The following POLN variants were observed in gnomAD, a reference collection of about 807,000 sequenced individuals.
The protein encoded by POLN is DNA polymerase nu, also known as DNA polymerase N.
Under a neutral mutation model 113.5 loss-of-function variants are expected in POLN, and 108 were observed. That is an observed-to-expected ratio of 0.95 (90% CI 0.81 to 1.12). POLN has a LOEUF of 1.12. POLN is among the 50% of genes most tolerant of loss of function. POLN has a pLI of 0.00. For missense variants in POLN, 1,097 were observed against 1,077.1 expected, an observed-to-expected ratio of 1.02 and a Z score of -0.26; for synonymous variants, 386 against 391.5, an observed-to-expected ratio of 0.99 and a Z score of 0.17.
chr4:2,208,171 T>A lies in POLN; in HGVS notation c.530A>T (p.Asp177Val). ...TAGGTAGCCTTCGGCGTCATCAGTA[T>A]CTTCTTCCAATGCCATTTGTTTACT... is the stretch of plus-strand genomic sequence containing the variant. ...KTSKQMALEE[D>V]TDDAEGYLNS... The change falls in exon 5 of 26, where the codon GAT becomes GTT. Residue 177 changes from aspartate (D) to valine (V), a missense_variant. Coordinates refer to ENST00000511885, the MANE Select transcript of POLN (RefSeq NM_181808.4). 6.2e-7 allele frequency: 1 copy of A among 1,613,834 alleles called. No homozygotes were observed. Among genetic ancestry groups the A allele is most frequent in the Admixed American group, 1.7e-5 (1 of 60,010 alleles).
intron 13 of POLN, among the ~76,000 whole-genome samples, chr4:2,163,221 T>C (rs1468991801): frequency 6.6e-6 from 1 of 152,236 alleles, no homozygotes; most frequent in African/African-American, 2.4e-5. Context: ...GGGCGGTATC[T>C]TGCCTCAGTA....
rs574032047 is a variant in POLN at position 2,233,156 on chromosome 4, G to A, written c.-12-3913C>T. Among the ~76,000 whole-genome samples the A allele has an allele frequency of 1.7e-4, 26 of 152,160 alleles. No individual in the cohort carries two copies. In the East Asian group the frequency reaches 1.9e-3, roughly 11 times the overall value. On this transcript the variant is annotated intron_variant, in intron 2 of 25. Coordinates refer to ENST00000511885, the MANE Select transcript of POLN (RefSeq NM_181808.4). ...ATACTTTTGAAAATCAAGTAATTTC[G>A]ACATTATATCTACATTTAGTGATAT...
At chr4:2,229,290 G>A in intron 2 of POLN, 47 bp from the exon 3 acceptor site, 1 of 1,408,308 alleles carries the variant, frequency 7.1e-7, no homozygotes, top group Non-Finnish European at 9.6e-7. Context: ...TTAATCCTAA[G>A]ACTATAAAAC....
chr4:2,075,368 C>T lies in POLN; in HGVS notation c.2455+84G>A, dbSNP rs1730250578. 13 of 1,438,378 alleles carry T rather than the reference C, an allele frequency of 9.0e-6. No homozygotes were observed. The East Asian group carries it at 1.4e-4, about 15-fold the overall frequency. The allele number at this position is 1,438,378 out of a possible 1,614,324, so 89.1% of individuals were successfully genotyped here. A position where few individuals can be genotyped will look rare whatever the true frequency, so the allele number is the denominator to read the frequency against. ...CATAAAAGGGAAGACAGCTGAGGGG[C>T]TTTCCTGGGCTGTGCCCATGGGGCA... is the stretch of plus-strand genomic sequence containing the variant. On this transcript the variant is annotated intron_variant, in intron 24 of 25. Transcript: ENST00000511885.
intron 6 of POLN, among the ~76,000 whole-genome samples, chr4:2,194,339 T>C (rs1733523818): frequency 6.6e-6 from 1 of 152,192 alleles, no homozygotes; most frequent in Admixed American, 6.5e-5. Flanking sequence ...AAGAGCCTAA[T>C]GAGCTTTGCA....
At chr4:2,206,861 G>T (rs1043444873) in intron 5 of POLN, among the ~76,000 whole-genome samples, 6 of 152,166 alleles carry the variant, frequency 3.9e-5, no homozygotes, top group African/African-American at 1.4e-4. Context: ...AGAACTAAAA[G>T]TAGAACTACC....
chr4:2,220,387 G>A (rs912822078), intron 3 of POLN, among the ~76,000 whole-genome samples: 2 of 152,142 alleles, frequency 1.3e-5, no homozygotes, highest in African/African-American at 4.8e-5. Context: ...AATCCCCGTG[G>A]GCAGCTTCCT....
intron 8 of POLN, among the ~76,000 whole-genome samples, chr4:2,177,907 G>A (rs1474432244): frequency 6.6e-6 from 1 of 152,190 alleles, no homozygotes; most frequent in African/African-American, 2.4e-5. Context: ...CTGCCACCAA[G>A]CCTACCAGTT....
chr4:2,125,695 G>C (rs1731561217), intron 19 of POLN, among the ~76,000 whole-genome samples: 1 of 152,178 alleles, frequency 6.6e-6, no homozygotes, highest in Non-Finnish European at 1.5e-5. Context: ...GGGCTGAGCG[G>C]AGATAACAAT....
intron 19 of POLN, among the ~76,000 whole-genome samples, chr4:2,101,462 ACCAGAGTGACTC>A (rs1730922360): frequency 6.6e-6 from 1 of 152,224 alleles, no homozygotes; most frequent in African/African-American, 2.4e-5. Flanking sequence ...CGGGCTGGGA[ACCAGAGTGACTC>A]CCCAGTACCG....
intron 2 of POLN, chr4:2,240,691 T>G: frequency 6.2e-7 from 1 of 1,613,976 alleles, no homozygotes; most frequent in Non-Finnish European, 8.5e-7. Context: ...AAATCAGAAG[T>G]TTTACACGTT....
At chr4:2,201,256 G>A in intron 5 of POLN, among the ~76,000 whole-genome samples, 1 of 99,910 alleles carries the variant, frequency 1.0e-5, no homozygotes, top group African/African-American at 4.1e-5. Flanking sequence ...GACAGAGTGA[G>A]ACTCTGTCCC....
intron 16 of POLN, among the ~76,000 whole-genome samples, chr4:2,136,433 G>T (rs997233685): frequency 6.6e-6 from 1 of 152,206 alleles, no homozygotes; most frequent in African/African-American, 2.4e-5. Flanking sequence ...TCCCATGAGT[G>T]GTTGCAGGGG....
chr4:2,071,978 T>C lies in POLN; in HGVS notation c.*136A>G. ...GGATGAGGAGGGCTTTGCACAGGCA[T>C]TTACTCCAGGGGATGGCGGGCCACC... is the stretch of plus-strand genomic sequence containing the variant. On this transcript the variant is annotated 3_prime_UTR_variant, in exon 26 of 26. Transcript: ENST00000511885. The surrounding 1 kb of genome is among the most constrained non-coding windows in gnomAD (Gnocchi z 5.2). 1.0e-6 allele frequency: 1 copy of C among 976,618 alleles called. No individual in the cohort carries two copies. The highest frequency in any genetic ancestry group is 1.7e-6 in the Non-Finnish European group (1 of 605,738). 60.5% of individuals were successfully genotyped at this position (976,618 alleles called of 1,614,324 possible). A position where few individuals can be genotyped will look rare whatever the true frequency, so the allele number is the denominator to read the frequency against.
intron 3 of POLN, among the ~76,000 whole-genome samples, chr4:2,225,370 C>T (rs1487734180): frequency 6.6e-6 from 1 of 151,996 alleles, no homozygotes; most frequent in Admixed American, 6.6e-5. Flanking sequence ...ACCTAACCAA[C>T]ATGGCGAAAC....
chr4:2,201,734 C>T (rs1733722227), intron 5 of POLN, among the ~76,000 whole-genome samples: 1 of 152,162 alleles, frequency 6.6e-6, no homozygotes, highest in Non-Finnish European at 1.5e-5. Flanking sequence ...AGATCATTGA[C>T]TAGGCACATT....
At chr4:2,208,988 C>T (rs948174823) in intron 4 of POLN, among the ~76,000 whole-genome samples, 1 of 149,908 alleles carries the variant, frequency 6.7e-6, no homozygotes, top group Non-Finnish European at 1.5e-5. Context: ...AACTCTGTCT[C>T]GAAAAAAAAG....
In POLN at chr4:2,179,333, T is replaced by C. The variant is rs1020738003; in HGVS notation, c.1154A>G (p.Tyr385Cys). 1.9e-6 allele frequency: 3 copies of C among 1,612,788 alleles called. No homozygotes were observed. The highest frequency in any genetic ancestry group is 2.5e-6 in the Non-Finnish European group (3 of 1,179,218). The change falls in exon 8 of 26, where the codon TAT (tyrosine) becomes TGT (cysteine). Residue 385 changes from tyrosine to cysteine, a missense_variant. Coordinates refer to ENST00000511885, the MANE Select transcript of POLN (RefSeq NM_181808.4). ...CACAATATTTCTTGAGGAATTTCCA[T>C]ATGTGCTGTTCACTTTAACTGTAAT... ...KSITVKVNST[Y>C]GNSSRNIVNQ...
intron 7 of POLN, among the ~76,000 whole-genome samples, chr4:2,185,783 G>A (rs1393001923): frequency 6.6e-6 from 1 of 151,882 alleles, no homozygotes. Context: ...TACAAGTTAC[G>A]GGCTTTGGGC....
Sources: gnomAD v4.1 joint callset for allele counts (sites outside exome capture counted in the v4.1 genomes callset) on GRCh38, gnomAD v4.1.1 for gene constraint, Gnocchi (gnomAD v3.1) non-coding constraint, MANE v1.5 for transcripts, NCBI Gene and HGNC (gene_info 2026-07-23, HGNC 2026-07-21) for gene names.